The following CACNB2 variants were observed in gnomAD, a reference collection of about 807,000 sequenced individuals.
CACNB2 encodes the protein voltage-dependent L-type calcium channel subunit beta-2.
In CACNB2, 42 loss-of-function variants were observed where a neutral mutation model predicts 73.3. The observed-to-expected ratio is 0.57, with a 90% CI of 0.45 to 0.74. The LOEUF is 0.74. Among genes scored for constraint, CACNB2 ranks in the 30% least tolerant of loss-of-function variants. The pLI, the probability that CACNB2 is intolerant of heterozygous loss-of-function variation, is 0.00. For synonymous variants in CACNB2, 348 were observed against 310.3 expected (o/e 1.12, Z -1.28); for missense variants, 940 against 853.0 (o/e 1.10, Z -1.27).
intron 2 of CACNB2, among the ~76,000 whole-genome samples, chr10:18,382,351 G>A (rs1375402629): frequency 6.6e-6 from 1 of 151,878 alleles, no homozygotes; most frequent in African/African-American, 2.4e-5. Flanking sequence ...ATTCTTCGGT[G>A]AGTTAGCTCA....
chr10:18,329,045 C>T (rs1022817433), intron 2 of CACNB2, among the ~76,000 whole-genome samples: 9 of 152,182 alleles, frequency 5.9e-5, no homozygotes, highest in African/African-American at 1.7e-4. Context: ...GGAGTGAGGG[C>T]TGCAAGTTCA....
intron 2 of CACNB2, among the ~76,000 whole-genome samples, chr10:18,335,023 A>C: frequency 6.6e-6 from 1 of 152,132 alleles, no homozygotes; most frequent in East Asian, 1.9e-4. Flanking sequence ...AACCGTGAAA[A>C]CATGCTATTT....
At chr10:18,459,153 A>T (rs1002546245) in intron 3 of CACNB2, among the ~76,000 whole-genome samples, 1 of 152,176 alleles carries the variant, frequency 6.6e-6, no homozygotes, top group African/African-American at 2.4e-5. Flanking sequence ...TTTAGTTAAA[A>T]ATTTTAAAAA....
At chr10:18,454,895 A>G (rs1181386003) in intron 3 of CACNB2, among the ~76,000 whole-genome samples, 1 of 152,212 alleles carries the variant, frequency 6.6e-6, no homozygotes, top group East Asian at 1.9e-4. Context: ...TTAAAAAATT[A>G]GCCAGACGTG....
intron 2 of CACNB2, among the ~76,000 whole-genome samples, chr10:18,325,621 C>A (rs926490280): frequency 2.8e-5 from 4 of 145,402 alleles, no homozygotes; most frequent in Non-Finnish European, 4.5e-5. Context: ...TCTTTCCTTT[C>A]TCTTTCTTTC....
intron 2 of CACNB2, among the ~76,000 whole-genome samples, chr10:18,171,210 G>C (rs576250909): frequency 6.6e-6 from 1 of 152,258 alleles, no homozygotes; most frequent in African/African-American, 2.4e-5. Flanking sequence ...GTCTCTTCTA[G>C]CATGTTTCAC....
chr10:18,166,950 G>T (rs1193026629), intron 2 of CACNB2, among the ~76,000 whole-genome samples: 2 of 152,056 alleles, frequency 1.3e-5, no homozygotes, highest in Non-Finnish European at 2.9e-5. Context: ...GTGCTTTCAG[G>T]CCCCTAAATC....
At chr10:18,241,420 A>G (rs1204574621) in intron 2 of CACNB2, among the ~76,000 whole-genome samples, 1 of 152,186 alleles carries the variant, frequency 6.6e-6, no homozygotes, top group Non-Finnish European at 1.5e-5. Context: ...AACATCACAC[A>G]CTGGGGCCTG....
intron 2 of CACNB2, among the ~76,000 whole-genome samples, chr10:18,374,808 G>T (rs2042727669): frequency 6.6e-6 from 1 of 152,242 alleles, no homozygotes; most frequent in East Asian, 1.9e-4. Context: ...TCAGCTCTAT[G>T]CATAGGGTAC....
In CACNB2 at chr10:18,518,932, C is replaced by T. The variant is rs1444302148; in HGVS notation, c.908C>T (p.Ala303Val). The T allele has an allele frequency of 3.7e-6, 6 of 1,613,678 alleles. No individual in the cohort carries two copies. The highest frequency in any genetic ancestry group is 1.3e-5 in the African/African-American group (1 of 74,972). Residue 303 changes from alanine to valine, a missense_variant, in exon 9 of 14, where the codon GCG becomes GTG. Physicochemically the swap from Ala to Val is moderately conservative, Grantham distance 64. Coordinates refer to ENST00000324631, the MANE Select transcript of CACNB2 (RefSeq NM_201596.3). ...GYEVTDMMQK[A>V]LFDFLKHRFE... ...CAGGTCACAGATATGATGCAAAAAG[C>T]GCTGTTTGATTTTTTAAAACACAGA... is the stretch of plus-strand genomic sequence containing the variant.
chr10:18,283,591 G>A (rs995709728), intron 2 of CACNB2, among the ~76,000 whole-genome samples: 2 of 148,484 alleles, frequency 1.3e-5, no homozygotes, highest in Non-Finnish European at 3.0e-5. Context: ...AACACCGCAT[G>A]TTCTCACTCA....
In CACNB2 at chr10:18,539,429, G is replaced by C. The variant is rs766377211; in HGVS notation, c.1688G>C (p.Arg563Pro). The change falls in exon 14 of 14, where the codon CGA becomes CCA. Residue 563 changes from arginine (R) to proline (P), a missense_variant. Coordinates refer to ENST00000324631, the MANE Select transcript of CACNB2 (RefSeq NM_201596.3). ...ETFDSETQES[R>P]DSAYVEPKED... ...TTTGACTCGGAAACCCAGGAGAGTC[G>C]AGACTCTGCCTACGTAGAGCCAAAG... 1.1e-4 allele frequency: 171 copies of C among 1,613,820 alleles called. 3 individuals carry two copies. The highest frequency in any genetic ancestry group is 1.4e-4 in the Non-Finnish European group (164 of 1,179,968).
At chr10:18,474,027 C>G (rs866438405) in intron 3 of CACNB2, among the ~76,000 whole-genome samples, 1 of 152,142 alleles carries the variant, frequency 6.6e-6, no homozygotes, top group African/African-American at 2.4e-5. Context: ...TCGCTAAGAG[C>G]TCTTTTATCT....
chr10:18,464,139 C>G (rs556148542), intron 3 of CACNB2, among the ~76,000 whole-genome samples: 2 of 152,102 alleles, frequency 1.3e-5, no homozygotes, highest in African/African-American at 4.8e-5. Flanking sequence ...ACACCATGTT[C>G]TCTGGACATC....
chr10:18,532,177 T>G (rs1014458331), intron 10 of CACNB2, among the ~76,000 whole-genome samples: 4 of 152,220 alleles, frequency 2.6e-5, no homozygotes, highest in Non-Finnish European at 5.9e-5. Context: ...ACTAATACAG[T>G]GTTGCACCAG....
chr10:18,421,079 C>T (rs2045293287), intron 3 of CACNB2, among the ~76,000 whole-genome samples: 1 of 152,004 alleles, frequency 6.6e-6, no homozygotes, highest in South Asian at 2.1e-4. Context: ...CCAAAAAATT[C>T]ATATGTATGT....
chr10:18,371,001 CTGAG>C (rs1171736262), intron 2 of CACNB2, among the ~76,000 whole-genome samples: 1 of 152,072 alleles, frequency 6.6e-6, no homozygotes, highest in Non-Finnish European at 1.5e-5. Flanking sequence ...AAGATAATTA[CTGAG>C]TATTTACTTT....
chr10:18,359,964 A>C (rs563867138), intron 2 of CACNB2, among the ~76,000 whole-genome samples: 1 of 152,298 alleles, frequency 6.6e-6, no homozygotes, highest in South Asian at 2.1e-4. Context: ...AAACTATTCT[A>C]TATTCAAATT....
At chr10:18,350,815 TG>T (rs2041674588) in intron 2 of CACNB2, among the ~76,000 whole-genome samples, 1 of 152,212 alleles carries the variant, frequency 6.6e-6, no homozygotes, top group Non-Finnish European at 1.5e-5. Flanking sequence ...TTAGTGGTGG[TG>T]GTTGTTTTTG....
Sources: allele counts gnomAD v4.1 joint callset (sites outside exome capture counted in the v4.1 genomes callset), GRCh38; gene constraint gnomAD v4.1.1; transcripts MANE v1.5; gene names NCBI Gene and HGNC (gene_info 2026-07-23, HGNC 2026-07-21).